TJP1: variants seen among roughly 807,000 people sequenced by gnomAD.
The protein encoded by TJP1 is tight junction protein 1.
Under a neutral mutation model 194.2 loss-of-function variants are expected in TJP1, and 43 were observed. The observed-to-expected ratio is 0.22, with a 90% CI of 0.17 to 0.29. The LOEUF (loss-of-function observed/expected upper bound fraction) is 0.29. Ranked by LOEUF, TJP1 falls within the 10% of genes least tolerant of loss-of-function variation. The pLI is 1.00. For missense variants in TJP1, 1,971 were observed against 2,185.7 expected (o/e 0.90, Z 1.96); for synonymous variants, 801 against 779.0 (o/e 1.03, Z -0.47).
intron 2 of TJP1, 72 bp downstream of exon 2, chr15:29,800,574 T>C: frequency 2.7e-6 from 4 of 1,488,914 alleles, no homozygotes; most frequent in Non-Finnish European, 2.8e-6. Flanking sequence ...GACATCTGGC[T>C]TTCCTCTATT....
At chr15:29,825,489 G>GA (rs1360570742), upstream of TJP1, among the ~76,000 whole-genome samples, 1 of 152,092 alleles carries the variant, frequency 6.6e-6, no homozygotes, top group Non-Finnish European at 1.5e-5. Flanking sequence ...GGCTCAGAAT[G>GA]AAAAAAGCAT....
chr15:29,931,725 G>C (rs550047752), intron 2 of TJP1, among the ~76,000 whole-genome samples: 5 of 152,144 alleles, frequency 3.3e-5, no homozygotes, highest in Admixed American at 1.3e-4. Context: ...GAGGGTTCTT[G>C]GATCTCACAC....
chr15:29,748,873 C>A (rs770686213), intron 8 of TJP1, among the ~76,000 whole-genome samples: 22 of 151,890 alleles, frequency 1.4e-4, no homozygotes, highest in Non-Finnish European at 2.8e-4. Context: ...ATGCCCAGCC[C>A]TTCCTCACAT....
chr15:29,761,036 A>ATC (rs2045968086), intron 8 of TJP1, 103 bp downstream of exon 8: 1 of 1,324,564 alleles, frequency 7.5e-7, no homozygotes, highest in Non-Finnish European at 1.0e-6. Context: ...AATCTTGAAT[A>ATC]ATCAAAAGAA....
At chr15:29,856,472 T>C (rs1295812204) in intron 2 of TJP1, among the ~76,000 whole-genome samples, 1 of 152,140 alleles carries the variant, frequency 6.6e-6, no homozygotes, top group Non-Finnish European at 1.5e-5. Flanking sequence ...TGACTGCTAA[T>C]GGGTATGAAA....
chr15:29,906,512 G>A (rs961817955), intron 2 of TJP1, among the ~76,000 whole-genome samples: 12 of 98,784 alleles, frequency 1.2e-4, no homozygotes, highest in Non-Finnish European at 2.1e-4. Context: ...AATAAATAAA[G>A]TTTAATAATC....
In TJP1 at chr15:29,920,154, G is replaced by C. The variant is rs1410518227; in HGVS notation, c.306+36078C>G. Among the ~76,000 whole-genome samples, 2 of 152,188 alleles carry C rather than the reference G, an allele frequency of 1.3e-5. 1 individual carries two copies. The highest frequency in any genetic ancestry group is 1.3e-4 in the Admixed American group (2 of 15,290). On this transcript the variant is annotated intron_variant, in intron 2 of 28. Transcript: ENST00000356107. ...CTGCCCAGGGTCACAGAGCCTGTTA[G>C]TTACAGTACGAACTCTCACTGGGGC...
intron 11 of TJP1, 65 bp downstream of exon 11, chr15:29,737,199 G>C: frequency 6.4e-7 from 1 of 1,569,034 alleles, no homozygotes; most frequent in East Asian, 2.2e-5. Flanking sequence ...TAAGCTTGTT[G>C]TTTGATACCT....
In TJP1 at chr15:29,822,218, C is replaced by G; in HGVS notation, c.-190G>C. 1 of 1,178,624 alleles carries G rather than the reference C, an allele frequency of 8.5e-7. No individual in the cohort carries two copies. Among genetic ancestry groups the G allele is most frequent in the Non-Finnish European group, 1.0e-6 (1 of 953,498 alleles). 73.0% of individuals were successfully genotyped at this position (1,178,624 alleles called of 1,614,324 possible). The stretch of plus-strand genomic sequence containing the variant: ...GGACAAAAGTCCGGGAAGCGCCCGC[C>G]CCGCCCGGGTCTTCTCCACGGGGCG... On this transcript the variant is annotated 5_prime_UTR_variant, in exon 1 of 28. Transcript: ENST00000614355.
At chr15:29,752,387 A>G (rs1237594109) in intron 8 of TJP1, among the ~76,000 whole-genome samples, 1 of 152,142 alleles carries the variant, frequency 6.6e-6, no homozygotes, top group African/African-American at 2.4e-5. Flanking sequence ...TACAGGTGTA[A>G]GCCATCGTGC....
At chr15:29,894,977 T>C (rs555074759) in intron 2 of TJP1, among the ~76,000 whole-genome samples, 18 of 152,322 alleles carry the variant, frequency 1.2e-4, no homozygotes, top group African/African-American at 4.1e-4. Flanking sequence ...TGCCCAGTTG[T>C]GCAGCAAGCA....
At chr15:29,925,887 C>T (rs1373335732) in intron 2 of TJP1, among the ~76,000 whole-genome samples, 1 of 152,210 alleles carries the variant, frequency 6.6e-6, no homozygotes, top group Non-Finnish European at 1.5e-5. Context: ...TCTCTAGTGG[C>T]CTGCATCCTC....
chr15:29,727,383 C>A (rs777000398), intron 16 of TJP1, among the ~76,000 whole-genome samples: 1 of 152,110 alleles, frequency 6.6e-6, no homozygotes, highest in East Asian at 1.9e-4. Context: ...AAACAAAACA[C>A]CCCATCACAT....
chr15:29,856,292 TAATAC>T (rs2051848309), intron 2 of TJP1, among the ~76,000 whole-genome samples: 1 of 152,150 alleles, frequency 6.6e-6, no homozygotes, highest in Non-Finnish European at 1.5e-5. Context: ...TATTGATACA[TAATAC>T]AATACAACAT....
In TJP1 at chr15:29,848,140, C is replaced by A. The variant is rs11854107; in HGVS notation, c.307-47438G>T. Among the ~76,000 whole-genome samples the A allele has an allele frequency of 7.5e-3, 1,135 of 150,858 alleles. 18 individuals carry two copies. Among genetic ancestry groups the A allele is most frequent in the African/African-American group, 0.027 (1,090 of 41,038 alleles). Reference sequence around the variant, plus strand: ...GACCCAAGATATGATCAAATATGGTCTTTCTTGGTGAATGTTCCATGAGTG... The same window carrying A: ...GACCCAAGATATGATCAAATATGGTATTTCTTGGTGAATGTTCCATGAGTG... On this transcript the variant is annotated intron_variant, in intron 2 of 28. Coordinates refer to the TJP1 transcript ENST00000356107.
intron 18 of TJP1, among the ~76,000 whole-genome samples, chr15:29,721,457 T>C (rs878881601): frequency 2.6e-5 from 4 of 152,094 alleles, no homozygotes; most frequent in African/African-American, 9.7e-5. Context: ...GCCTGAGGCC[T>C]CCCCAGAAGC....
intron 6 of TJP1, 126 bp from the exon 7 acceptor site, chr15:29,761,895 T>C (rs575640023): frequency 9.1e-6 from 8 of 877,674 alleles, no homozygotes; most frequent in Non-Finnish European, 1.3e-5. Flanking sequence ...TCTCTACACT[T>C]TTCCAAACTG....
In TJP1 at chr15:29,764,389, G is replaced by C. The variant is rs183816786; in HGVS notation, c.589+1877C>G. ...AAAAAAACCTGGTGGACCTAATGAAGTCATAAGTCTAGTGTAGCTGAGACT... is the reference window on the plus strand; with the variant it reads ...AAAAAAACCTGGTGGACCTAATGAACTCATAAGTCTAGTGTAGCTGAGACT... On this transcript the variant is annotated intron_variant, in intron 5 of 27. Coordinates refer to ENST00000614355, the MANE Select transcript of TJP1 (RefSeq NM_001330239.4). Among the ~76,000 whole-genome samples the C allele has an allele frequency of 9.8e-5, 15 of 152,286 alleles. No homozygotes were observed. In the East Asian group the frequency reaches 2.9e-3, roughly 29 times the overall value.
At chr15:29,714,988 C>A (rs2151081944) in intron 23 of TJP1, among the ~76,000 whole-genome samples, 1 of 152,282 alleles carries the variant, frequency 6.6e-6, no homozygotes, top group South Asian at 2.1e-4. Flanking sequence ...AAGGGTACAC[C>A]CTTCTGCCTT....
Sources: allele counts gnomAD v4.1 joint callset (sites outside exome capture counted in the v4.1 genomes callset), GRCh38; gene constraint gnomAD v4.1.1; transcripts MANE v1.5; gene names NCBI Gene and HGNC (gene_info 2026-07-23, HGNC 2026-07-21).